KYAT3: variants seen among roughly 807,000 people sequenced by gnomAD.
KYAT3 encodes kynurenine--oxoglutarate transaminase 3.
KYAT3 carries 50 observed loss-of-function variants against 59.0 expected under a neutral mutation model. That is an observed-to-expected ratio of 0.85 (90% CI 0.68 to 1.07). The LOEUF (loss-of-function observed/expected upper bound fraction) is 1.07, where lower values mean the gene tolerates loss of function less well. Ranked by LOEUF, KYAT3 falls within the 50% of genes least tolerant of loss-of-function variation. The probability of loss-of-function intolerance (pLI) is 0.00; values close to 1 mark genes in which losing one functional copy is unlikely to be tolerated. For synonymous variants in KYAT3, 148 were observed against 177.0 expected, an observed-to-expected ratio of 0.84 and a Z score of 1.30; for missense variants, 497 against 533.3, an observed-to-expected ratio of 0.93 and a Z score of 0.67.
At chr1:88,925,682 A>AG in the KYAT3 span, among the ~76,000 whole-genome samples, 12 of 148,082 alleles carry the variant, frequency 8.1e-5, 2 homozygotes, top group African/African-American at 3.0e-4. Flanking sequence ...AGAGAGATGG[A>AG]AGAGAGAGAG....
At chr1:88,943,238 G>A (rs574030795) in intron 12 of KYAT3, 112 bp downstream of exon 12, 1 of 970,804 alleles carries the variant, frequency 1.0e-6, no homozygotes, top group Admixed American at 2.3e-5. Flanking sequence ...GCCACAAGTG[G>A]AGTATCATAT....
rs1183757893 is a variant in KYAT3 at position 88,983,486 on chromosome 1, C to T, written c.99+4766G>A. The stretch of plus-strand genomic sequence containing the variant: ...AGGTCCCCTGGTTCCTCCACTTCCT[C>T]CTCTTCCAGCTCCAAAACCTCTTGG... On this transcript the variant is annotated intron_variant, in intron 2 of 13. Coordinates refer to ENST00000260508, the MANE Select transcript of KYAT3 (RefSeq NM_001008661.3). 4 of 1,614,038 alleles carry T rather than the reference C, an allele frequency of 2.5e-6. No individual in the cohort carries two copies. The South Asian group carries it at 3.3e-5, about 13-fold the overall frequency.
At chr1:88,991,221 A>C (rs1677775918) in intron 1 of KYAT3, among the ~76,000 whole-genome samples, 2 of 152,230 alleles carry the variant, frequency 1.3e-5, no homozygotes. Flanking sequence ...GCCGAATATA[A>C]AGCTAAAAGG....
intron 4 of KYAT3, among the ~76,000 whole-genome samples, chr1:88,966,369 C>G (rs1676352343): frequency 6.6e-6 from 1 of 151,986 alleles, no homozygotes; most frequent in Non-Finnish European, 1.5e-5. Context: ...AACATCATTC[C>G]CAATTTATTT....
intron 2 of KYAT3, among the ~76,000 whole-genome samples, chr1:88,975,673 G>T (rs976683923): frequency 3.3e-5 from 5 of 152,212 alleles, no homozygotes; most frequent in South Asian, 4.1e-4. Context: ...ATACAACACA[G>T]AGTCATGTGC....
intron 8 of KYAT3, among the ~76,000 whole-genome samples, chr1:88,956,163 A>G (rs1417335029): frequency 6.6e-6 from 1 of 152,202 alleles, no homozygotes; most frequent in Non-Finnish European, 1.5e-5. Flanking sequence ...CTTCAGCACT[A>G]GGCTTGGGGG....
intron 8 of KYAT3, among the ~76,000 whole-genome samples, chr1:88,959,448 C>T (rs1000241856): frequency 6.6e-6 from 1 of 151,456 alleles, no homozygotes; most frequent in Non-Finnish European, 1.5e-5. Flanking sequence ...TGGCATGCAC[C>T]TGTAATCCCA....
chr1:88,983,072 C>A (rs755709226), intron 2 of KYAT3: 5 of 1,612,336 alleles, frequency 3.1e-6, no homozygotes, highest in Non-Finnish European at 3.4e-6. Context: ...ATAGTCATCA[C>A]GTGAACTGGA....
At chr1:88,956,149 A>G (rs1381698110) in intron 8 of KYAT3, among the ~76,000 whole-genome samples, 1 of 152,220 alleles carries the variant, frequency 6.6e-6, no homozygotes, top group Non-Finnish European at 1.5e-5. Context: ...AATACTAGAC[A>G]GCACTTCAGC....
chr1:88,968,212 A>C (rs1676416066), intron 4 of KYAT3, among the ~76,000 whole-genome samples: 1 of 152,214 alleles, frequency 6.6e-6, no homozygotes, highest in African/African-American at 2.4e-5. Context: ...CAACAGATAC[A>C]AGTCTACAGT....
the KYAT3 span, among the ~76,000 whole-genome samples, chr1:88,921,203 G>C: frequency 6.6e-6 from 1 of 152,150 alleles, no homozygotes; most frequent in Non-Finnish European, 1.5e-5. Context: ...ATGAATGGAA[G>C]ATGGCTGCTT....
chr1:88,967,462 T>A (rs1263732187), intron 4 of KYAT3, among the ~76,000 whole-genome samples: 1 of 152,004 alleles, frequency 6.6e-6, no homozygotes, highest in African/African-American at 2.4e-5. Flanking sequence ...CAATTACTTT[T>A]GCACTGACCT....
chr1:88,964,852 C>A lies in KYAT3; in HGVS notation c.430G>T (p.Ala144Ser), dbSNP rs1317950357. The change falls in exon 5 of 14, where the codon GCA becomes TCA. Residue 144 changes from alanine (A) to serine (S), a missense_variant. Transcript: ENST00000260508. ...ACTTCATCTCCCTCATCAATTAATG[C>A]TTGAATGGTGTTAAAAAGAGATCCA... ...AYGSLFNTIQ[A>S]LIDEGDEVIL... The A allele has an allele frequency of 1.3e-6, 2 of 1,598,190 alleles. No homozygotes were observed. The highest frequency in any genetic ancestry group is 1.7e-6 in the Non-Finnish European group (2 of 1,175,002).
intron 1 of KYAT3, among the ~76,000 whole-genome samples, chr1:88,991,530 A>G (rs1677792915): frequency 6.6e-6 from 1 of 152,242 alleles, no homozygotes; most frequent in African/African-American, 2.4e-5. Context: ...CCGATACAAC[A>G]GAGGGTATCT....
intron 13 of KYAT3, among the ~76,000 whole-genome samples, chr1:88,940,659 G>A (rs12086527): frequency 0.038 from 5,806 of 152,276 alleles, 321 homozygotes; most frequent in African/African-American, 0.12. Flanking sequence ...GCTATCCCCA[G>A]TTTAATACAT....
chr1:88,942,889 G>T, intron 13 of KYAT3, 116 bp downstream of exon 13: 2 of 806,074 alleles, frequency 2.5e-6, no homozygotes, highest in Non-Finnish European at 4.0e-6. Context: ...AAAGCCGTAA[G>T]CCAAAATTTA....
the KYAT3 span, among the ~76,000 whole-genome samples, chr1:88,929,236 C>G: frequency 6.6e-6 from 1 of 152,164 alleles, no homozygotes; most frequent in South Asian, 2.1e-4. Flanking sequence ...CTGCAATGCT[C>G]CAATTTTAGG....
chr1:88,935,997 C>T lies in KYAT3; in HGVS notation c.*186G>A, dbSNP rs1675020017. ...TGGAAGGTGTGTTAATACATTTCAACTGGAAAAAAAAGGTCAGATCCCCCG... is the reference window on the plus strand; with the variant it reads ...TGGAAGGTGTGTTAATACATTTCAATTGGAAAAAAAAGGTCAGATCCCCCG... On this transcript the variant is annotated 3_prime_UTR_variant, in exon 14 of 14. Coordinates refer to ENST00000260508, the MANE Select transcript of KYAT3 (RefSeq NM_001008661.3). The T allele has an allele frequency of 2.0e-6, 1 of 507,538 alleles. No individual in the cohort carries two copies. Among genetic ancestry groups the T allele is most frequent in the East Asian group, 2.8e-5 (1 of 35,522 alleles). 31.4% of individuals were successfully genotyped at this position (507,538 alleles called of 1,614,324 possible).
At chr1:88,959,267 C>T (rs551638896) in intron 8 of KYAT3, among the ~76,000 whole-genome samples, 1 of 150,174 alleles carries the variant, frequency 6.7e-6, no homozygotes, top group Non-Finnish European at 1.5e-5. Context: ...CACAGCGAGA[C>T]CCTGTCTCTT....
Sources: allele counts gnomAD v4.1 joint callset (sites outside exome capture counted in the v4.1 genomes callset), GRCh38; gene constraint gnomAD v4.1.1; transcripts MANE v1.5; gene names NCBI Gene and HGNC (gene_info 2026-07-23, HGNC 2026-07-21).